EIF4G1: variants seen among roughly 807,000 people sequenced by gnomAD.
EIF4G1 encodes the protein EIF4-gamma.
A neutral mutation model predicts 187.8 loss-of-function variants in EIF4G1; 4 were observed. The observed-to-expected ratio is 0.02, with a 90% CI of 0.01 to 0.05. The LOEUF is 0.05. EIF4G1 is among the 10% of genes least tolerant of loss of function. The probability of loss-of-function intolerance (pLI) is 1.00; values close to 1 mark genes in which losing one functional copy is unlikely to be tolerated. For synonymous variants in EIF4G1, 844 were observed against 781.4 expected (o/e 1.08, Z -1.34); for missense variants, 1,647 against 2,081.1 (o/e 0.79, Z 4.06).
At position 184,331,379 on chromosome 3, in the gene EIF4G1, T is replaced by A. The variant is rs746152841; in HGVS notation, c.4260+15T>A. ...TCGCTGAACAGGTTTGGGGATGGAG[T>A]TGGGTTAATTCTAGCATTTGAGGCT... is the stretch of plus-strand genomic sequence containing the variant. On this transcript the variant is annotated intron_variant, in intron 29 of 32. Coordinates refer to ENST00000346169, the MANE Select transcript of EIF4G1 (RefSeq NM_198241.3). 1 of 1,613,836 alleles carries A rather than the reference T, an allele frequency of 6.2e-7. No homozygotes were observed. The highest frequency in any genetic ancestry group is 8.5e-7 in the Non-Finnish European group (1 of 1,179,948).
rs745320557 is a variant in EIF4G1 at position 184,327,926 on chromosome 3, G to C, written c.3877G>C (p.Ala1293Pro). 4 of 1,612,844 alleles carry C rather than the reference G, an allele frequency of 2.5e-6. No homozygotes were observed. Among genetic ancestry groups the C allele is most frequent in the South Asian group, 1.1e-5 (1 of 91,088 alleles). The change falls in exon 26 of 33, where the codon GCT (alanine) becomes CCT (proline). Residue 1293 changes from alanine (A) to proline (P), a missense_variant. Ala to Pro is a conservative substitution (Grantham distance 27, BLOSUM62 -1). Around this residue, in one of 11 missense-constraint regions of EIF4G1, gnomAD observed 543 missense variants for 638.0 expected, o/e 0.85. Coordinates refer to ENST00000346169, the MANE Select transcript of EIF4G1 (RefSeq NM_198241.3). ...VESTLERSAI[A>P]REHMGQLLHQ... Reference sequence around the variant, plus strand: ...GTCTACGCTGGAGCGCAGTGCCATTGCTCGTGAGCATATGGGGCAGCTGCT... The same window carrying C: ...GTCTACGCTGGAGCGCAGTGCCATTCCTCGTGAGCATATGGGGCAGCTGCT...
intron 6 of EIF4G1, among the ~76,000 whole-genome samples, chr3:184,319,445 GTGTGTGTGTGTGTGTGTGTGTT>G (rs1409525879): frequency 0.011 from 841 of 77,858 alleles, 4 homozygotes; most frequent in Middle Eastern, 0.044. Flanking sequence ...GTGTGTGTGT[GTGTGTGTGTGTGTGTGTGTGTT>G]TGTGTGTGTG....
rs776340920 is a variant in EIF4G1 at position 184,326,914 on chromosome 3, T to G, written c.3359T>G (p.Leu1120Trp). ...GCTGCTCGCCCAGCTACTAGTACTT[T>G]GAATCGCTTCTCAGCCCTTCAACAA... ...SEAARPATST[L>W]NRFSALQQAV... The change falls in exon 23 of 33, where the codon TTG becomes TGG. Residue 1120 changes from leucine to tryptophan, a missense_variant. Physicochemically the swap from Leu to Trp is moderately conservative, Grantham distance 61. This residue lies in a region of EIF4G1 where 543 missense variants were observed against 638.0 expected (regional missense o/e 0.85). Transcript: ENST00000346169. The G allele has an allele frequency of 6.2e-7, 1 of 1,614,240 alleles. No individual in the cohort carries two copies. Among genetic ancestry groups the G allele is most frequent in the Non-Finnish European group, 8.5e-7 (1 of 1,180,040 alleles).
intron 6 of EIF4G1, among the ~76,000 whole-genome samples, chr3:184,318,914 C>G (rs1233779228): frequency 6.6e-6 from 1 of 151,846 alleles, no homozygotes; most frequent in African/African-American, 2.4e-5. Flanking sequence ...CCTGTCTCAA[C>G]TAAAAATACA....
rs1725029879 is a variant in EIF4G1, at chr3:184,326,865, T to C, written c.3326-16T>C. On this transcript the variant is annotated splice_polypyrimidine_tract_variant and intron_variant, in intron 22 of 32. Transcript: ENST00000346169. ...AAGGAGAAAAAGATTTTAATACGGA[T>C]TTTCTGCATCCCCAGCATCAGAAGC... The C allele has an allele frequency of 1.2e-6, 2 of 1,613,964 alleles. No homozygotes were observed. The highest frequency in any genetic ancestry group is 2.7e-5 in the African/African-American group (2 of 74,900).
chr3:184,324,239 G>A lies in EIF4G1; in HGVS notation c.2511G>A (p.Val837=), dbSNP rs1423119065. 4 of 1,614,222 alleles carry A rather than the reference G, an allele frequency of 2.5e-6. No individual in the cohort carries two copies. In the Admixed American group the frequency reaches 5.0e-5, roughly 20 times the overall value. Reference sequence around the variant, plus strand: ...CTACGGAAAAGCCAACAGTGACTGTGAACTTCCGAAAGCTGTTGTTGAATC... The same window carrying A: ...CTACGGAAAAGCCAACAGTGACTGTAAACTTCCGAAAGCTGTTGTTGAATC... ...VPTTEKPTVT[V]NFRKLLLNRC... Residue 837 remains valine, a synonymous_variant, in exon 17 of 33, where the codon GTG becomes GTA. Coordinates refer to ENST00000346169, the MANE Select transcript of EIF4G1 (RefSeq NM_198241.3).
chr3:184,325,745 C>G lies in EIF4G1; in HGVS notation c.3121+106C>G. 6.2e-7 allele frequency: 1 copy of G among 1,609,814 alleles called. No homozygotes were observed. Among genetic ancestry groups the G allele is most frequent in the South Asian group, 1.1e-5 (1 of 90,920 alleles). On this transcript the variant is annotated intron_variant, in intron 20 of 32. Transcript: ENST00000346169. This position sits in a 1 kb window ranked among gnomAD's most constrained non-coding sequence, Gnocchi z 5.2. Reference sequence around the variant, plus strand: ...GCCACGTGTCTGGGCCACTGAGACACCATGATGGAACTGAGGATCTGAGGA... The same window carrying G: ...GCCACGTGTCTGGGCCACTGAGACAGCATGATGGAACTGAGGATCTGAGGA...
intron 7 of EIF4G1, 100 bp from the exon 8 acceptor site, chr3:184,320,530 G>C: frequency 5.6e-6 from 9 of 1,600,868 alleles, no homozygotes; most frequent in Non-Finnish European, 7.7e-6. Context: ...CCTGCTTCCC[G>C]CTGGGGGGTG....
intron 1 of EIF4G1, 99 bp downstream of exon 1, chr3:184,314,773 CGGCGCCCTGG>C: frequency 6.8e-6 from 1 of 147,792 alleles, no homozygotes. Context: ...GCCGCCGCCC[CGGCGCCCTGG>C]CCCCGCGGCC....
intron 28 of EIF4G1, among the ~76,000 whole-genome samples, chr3:184,330,933 T>G (rs997230971): frequency 2.0e-5 from 3 of 152,028 alleles, no homozygotes; most frequent in African/African-American, 7.3e-5. Context: ...AGAGACGGGG[T>G]TTCACCATGT....
intron 6 of EIF4G1, among the ~76,000 whole-genome samples, chr3:184,319,467 TTGTG>T (rs756906987): frequency 2.7e-4 from 3 of 11,264 alleles, no homozygotes; most frequent in Admixed American, 2.1e-3. Flanking sequence ...GTGTGTGTGT[TTGTG>T]TGTGTGTGTG....
At position 184,315,748 on chromosome 3, in the gene EIF4G1, A is replaced by C. The variant is rs1356958514; in HGVS notation, c.-34-15A>C. On this transcript the variant is annotated splice_polypyrimidine_tract_variant and intron_variant, in intron 2 of 32. Transcript: ENST00000346169. ...GGGTCCCTTCCTCTTCCTGAGCGCCACTCTTTCCCAACAGGTGCTGGGGGG... is the reference window on the plus strand; with the variant it reads ...GGGTCCCTTCCTCTTCCTGAGCGCCCCTCTTTCCCAACAGGTGCTGGGGGG... 3 of 1,544,918 alleles carry C rather than the reference A, an allele frequency of 1.9e-6. No homozygotes were observed. In the Admixed American group the frequency reaches 5.9e-5, roughly 30 times the overall value.
chr3:184,334,206 A>G lies in EIF4G1; in HGVS notation c.4619-521A>G, dbSNP rs1726684951. ...GAGTTGAGTCCTGAAGGAACAAGAC[A>G]CGAGGAAGTTTCCGGCAAAGGATAT... On this transcript the variant is annotated intron_variant, in intron 32 of 32. Coordinates refer to ENST00000346169, the MANE Select transcript of EIF4G1 (RefSeq NM_198241.3). The surrounding 1 kb of genome is among the most constrained non-coding windows in gnomAD (Gnocchi z 5.8). 6.6e-6 allele frequency among the ~76,000 whole-genome samples: 1 copy of G among 152,162 alleles called. No individual in the cohort carries two copies.
At chr3:184,322,270 G>C in intron 10 of EIF4G1, 92 bp from the exon 11 acceptor site, 1 of 1,527,088 alleles carries the variant, frequency 6.5e-7, no homozygotes. Context: ...GGGAAATACT[G>C]TTCTTTGGCT....
At chr3:184,332,128 T>C in intron 32 of EIF4G1, 42 bp downstream of exon 32, 1 of 1,613,974 alleles carries the variant, frequency 6.2e-7, no homozygotes, top group Non-Finnish European at 8.5e-7. Context: ...GTGGAGGGAC[T>C]GCCAGATAGC....
At chr3:184,318,156 AT>A (rs1415703276) in intron 6 of EIF4G1, among the ~76,000 whole-genome samples, 1 of 152,032 alleles carries the variant, frequency 6.6e-6, no homozygotes, top group Non-Finnish European at 1.5e-5. Flanking sequence ...GCTATTTTTT[AT>A]TTATGTTCTA....
intron 26 of EIF4G1, 172 bp from the exon 27 acceptor site, chr3:184,328,459 G>C: frequency 1.1e-6 from 1 of 903,178 alleles, no homozygotes. Flanking sequence ...GGGGTTAAGC[G>C]GGGTGAAAAC....
In EIF4G1 at chr3:184,326,460, A is replaced by G. The variant is rs148223683; in HGVS notation, c.3223-67A>G. 2.0e-3 allele frequency: 3,121 copies of G among 1,550,446 alleles called. 7 individuals carry two copies. The highest frequency in any genetic ancestry group is 2.3e-3 in the Non-Finnish European group (2,613 of 1,123,992). The stretch of plus-strand genomic sequence containing the variant: ...CCATTCACTACCTGTTTGGTTGCAT[A>G]TGGTGGTGCTGGCCAAGGGACTCAG... On this transcript the variant is annotated intron_variant, in intron 21 of 32. Coordinates refer to ENST00000346169, the MANE Select transcript of EIF4G1 (RefSeq NM_198241.3).
intron 4 of EIF4G1, 53 bp downstream of exon 4, chr3:184,316,271 C>G: frequency 6.2e-7 from 1 of 1,603,838 alleles, no homozygotes; most frequent in East Asian, 2.3e-5. Flanking sequence ...CAGTGGAAAG[C>G]TTTGGCCAGT....
Sources: gnomAD v4.1 joint callset for allele counts (sites outside exome capture counted in the v4.1 genomes callset) on GRCh38, gnomAD v4.1.1 for gene constraint, gnomAD v4.1.1 regional missense constraint, Gnocchi (gnomAD v3.1) non-coding constraint, MANE v1.5 for transcripts, NCBI Gene and HGNC (gene_info 2026-07-23, HGNC 2026-07-21) for gene names.